OTOG: variants seen among roughly 807,000 people sequenced by gnomAD.
OTOG encodes otogelin.
In OTOG, 296 loss-of-function variants were observed where a neutral mutation model predicts 313.8. That is an observed-to-expected ratio of 0.94 (90% CI 0.86 to 1.04). The LOEUF (loss-of-function observed/expected upper bound fraction) is 1.04, where lower values mean the gene tolerates loss of function less well. OTOG is among the 50% of genes least tolerant of loss of function. The pLI, the probability that OTOG is intolerant of heterozygous loss-of-function variation, is 0.00. For missense variants in OTOG, 3,948 were observed against 3,840.1 expected, an observed-to-expected ratio of 1.03 and a Z score of -0.74; for synonymous variants, 1,533 against 1,554.9, an observed-to-expected ratio of 0.99 and a Z score of 0.33.
chr11:17,604,294 A>G (rs565937950), intron 32 of OTOG, among the ~76,000 whole-genome samples: 2 of 152,346 alleles, frequency 1.3e-5, no homozygotes, highest in East Asian at 1.9e-4. Context: ...AAAACAGTGG[A>G]GAAGCCTTGA....
rs1420678346 is a variant in OTOG at position 17,632,136 on chromosome 11, G to A, written c.6982G>A (p.Val2328Met). 4.5e-6 allele frequency: 7 copies of A among 1,551,048 alleles called. No homozygotes were observed. The highest frequency in any genetic ancestry group is 2.7e-5 in the African/African-American group (2 of 73,186). The change falls in exon 42 of 56, where the codon GTG (valine) becomes ATG (methionine). Residue 2328 changes from valine (V) to methionine (M), a missense_variant. Coordinates refer to ENST00000399397, the MANE Select transcript of OTOG (RefSeq NM_001292063.2). Reference protein sequence around the residue: ...CELWIRDTKYVQQPCVALTVY... With the variant: ...CELWIRDTKYMQQPCVALTVY... ...GCTGTGGATCCGGGACACCAAGTACGTGCAGCAGCCCTGCGTGGCCCTGAC... is the reference window on the plus strand; with the variant it reads ...GCTGTGGATCCGGGACACCAAGTACATGCAGCAGCCCTGCGTGGCCCTGAC...
chr11:17,588,800 C>A (rs1371858299), intron 24 of OTOG, among the ~76,000 whole-genome samples: 1 of 152,118 alleles, frequency 6.6e-6, no homozygotes, highest in South Asian at 2.1e-4. Flanking sequence ...GAGGAGTCAT[C>A]TTGTAGATCT....
intron 15 of OTOG, among the ~76,000 whole-genome samples, chr11:17,563,854 GT>G (rs61373849): frequency 0.049 from 5,237 of 106,608 alleles, 97 homozygotes; most frequent in African/African-American, 0.11. Flanking sequence ...CTAGTTTTTG[GT>G]TTTTTTTTTT....
chr11:17,572,229 G>C, intron 18 of OTOG, 25 bp downstream of exon 18: 1 of 1,549,914 alleles, frequency 6.5e-7, no homozygotes, highest in Middle Eastern at 1.7e-4. Context: ...GAAGAGGAGA[G>C]GCATGGTTGA....
chr11:17,574,878 T>TAACTGGACACCC lies in OTOG; in HGVS notation c.2453_2454insACTGGACACCCA (p.Tyr818delinsTer), dbSNP rs876657656. 17 of 1,537,294 alleles carry TAACTGGACACCC rather than the reference T, an allele frequency of 1.1e-5. No homozygotes were observed. In the Admixed American group the frequency reaches 3.4e-4, roughly 31 times the overall value. On this transcript the variant is annotated stop_gained, in exon 20 of 56. Coordinates refer to ENST00000399397, the MANE Select transcript of OTOG (RefSeq NM_001292063.2). LOFTEE classifies it high-confidence loss of function. ...GGGCTGTGCCTGCCCACCGGACACC[T>TAACTGGACACCC]ATCTGGACACCCAGGCTGACCTCTG...
chr11:17,591,659 C>G, intron 25 of OTOG, 71 bp downstream of exon 25: 1 of 1,518,932 alleles, frequency 6.6e-7, no homozygotes, highest in Non-Finnish European at 8.9e-7. Flanking sequence ...GCTCTGGACT[C>G]CAGTTTGATG....
rs1179696380 is a variant in OTOG, at chr11:17,573,150, C to G, written c.2153C>G (p.Pro718Arg). The G allele has an allele frequency of 6.5e-7, 1 of 1,545,612 alleles. No homozygotes were observed. The highest frequency in any genetic ancestry group is 8.7e-7 in the Non-Finnish European group (1 of 1,146,938). The stretch of plus-strand genomic sequence containing the variant: ...GCGCCCTGCTCTGCGTTCCTGAGCC[C>G]CGTGCCCTACTTTGAGCAGTGCCGC... Reference protein sequence around the residue: ...MFAPCSAFLSPVPYFEQCRRD... With the variant: ...MFAPCSAFLSRVPYFEQCRRD... Residue 718 changes from proline (P) to arginine (R), a missense_variant, in exon 19 of 56, where the codon CCC becomes CGC. Coordinates refer to ENST00000399397, the MANE Select transcript of OTOG (RefSeq NM_001292063.2).
chr11:17,589,778 G>A (rs1032920675), intron 24 of OTOG, among the ~76,000 whole-genome samples: 9 of 151,974 alleles, frequency 5.9e-5, no homozygotes, highest in Admixed American at 2.0e-4. Flanking sequence ...TCATTCCTTC[G>A]AAACTATTCC....
Position 17,645,892 on chromosome 11 carries a change from G to T in OTOG, c.8690G>T (p.Trp2897Leu). ...VQLFCATNAT[W>L]VPYTVQEPTD... is the part of the protein sequence containing the mutation. ...CTCTTCTGTGCCACCAATGCCACCT[G>T]GGTGCCCTATACAGTGCAGGAGCCC... Residue 2897 changes from tryptophan to leucine, a missense_variant, in exon 56 of 56, where the codon TGG becomes TTG. By Grantham distance (61) the Trp-to-Leu change is moderately conservative. Transcript: ENST00000399397. 5 of 1,550,422 alleles carry T rather than the reference G, an allele frequency of 3.2e-6. No homozygotes were observed. The highest frequency in any genetic ancestry group is 2.4e-5 in the South Asian group (2 of 84,060).
Position 17,634,907 on chromosome 11 carries a change from C to G in OTOG, c.7544C>G (p.Thr2515Ser), listed in dbSNP as rs1276048273. The G allele has an allele frequency of 6.5e-7, 1 of 1,549,456 alleles. No individual in the cohort carries two copies. The highest frequency in any genetic ancestry group is 8.7e-7 in the Non-Finnish European group (1 of 1,146,842). ...TGCCGCCCAGGCCACCGCCTCCTCA[C>G]CCACTTCCAGGAGGACTCCTGCTGC... Reference protein sequence around the residue: ...PTCRPGHRLLTHFQEDSCCPS... With the variant: ...PTCRPGHRLLSHFQEDSCCPS... The change falls in exon 45 of 56, where the codon ACC becomes AGC. Residue 2515 changes from threonine (T) to serine (S), a missense_variant. Transcript: ENST00000399397.
intron 51 of OTOG, 80 bp downstream of exon 51, chr11:17,641,171 G>A (rs2133720550): frequency 6.3e-6 from 9 of 1,418,944 alleles, no homozygotes; most frequent in African/African-American, 5.6e-5. Flanking sequence ...GAGCCAGAGG[G>A]GCCCTTGAAG....
chr11:17,593,091 G>A (rs892588100), intron 25 of OTOG, 102 bp from the exon 26 acceptor site: 2 of 1,197,710 alleles, frequency 1.7e-6, no homozygotes, highest in African/African-American at 3.1e-5. Context: ...AAGTAGAAGT[G>A]GACTGAAAGC....
At chr11:17,627,970 CTTAG>C (rs543047061) in intron 39 of OTOG, among the ~76,000 whole-genome samples, 135 of 151,858 alleles carry the variant, frequency 8.9e-4, no homozygotes, top group Middle Eastern at 3.4e-3. Flanking sequence ...TTTCTTTTTT[CTTAG>C]TTAGGCTAAA....
At chr11:17,596,211 C>A in intron 29 of OTOG, 57 bp downstream of exon 29, 2 of 1,270,406 alleles carry the variant, frequency 1.6e-6, no homozygotes, top group South Asian at 1.3e-5. Flanking sequence ...TCCTGGGATC[C>A]CTTCAGCTCT....
chr11:17,584,306 A>G (rs1852741478), intron 23 of OTOG, among the ~76,000 whole-genome samples: 2 of 152,098 alleles, frequency 1.3e-5, no homozygotes, highest in South Asian at 4.1e-4. Context: ...TTCTTGCCTT[A>G]TTGTGCTGTA....
intron 40 of OTOG, among the ~76,000 whole-genome samples, chr11:17,630,405 G>T (rs1250418866): frequency 7.2e-5 from 11 of 152,124 alleles, no homozygotes; most frequent in Admixed American, 7.2e-4. Flanking sequence ...ACCCCTCACT[G>T]ACTTAAAGCC....
In OTOG at chr11:17,557,427, G is replaced by T. The variant is rs1192424065; in HGVS notation, c.865+104G>T. 7.7e-6 allele frequency: 9 copies of T among 1,174,480 alleles called. 1 individual carries two copies. In the South Asian group the frequency reaches 1.1e-4, roughly 14 times the overall value. The allele number at this position is 1,174,480 out of a possible 1,614,324, so 72.8% of individuals were successfully genotyped here. ...CTTGGAACAGAGCCCTGGGGTCGTGGTCATGGTATTAAAGACCCAATGGAA... is the reference window on the plus strand; with the variant it reads ...CTTGGAACAGAGCCCTGGGGTCGTGTTCATGGTATTAAAGACCCAATGGAA... On this transcript the variant is annotated intron_variant, in intron 8 of 55. Transcript: ENST00000399397.
intron 30 of OTOG, among the ~76,000 whole-genome samples, chr11:17,597,293 C>T (rs905940492): frequency 6.6e-5 from 10 of 152,198 alleles, no homozygotes; most frequent in African/African-American, 2.4e-4. Context: ...AATGCGAACC[C>T]GAGCTCATAG....
In OTOG at chr11:17,611,335, G is replaced by A. The variant is rs2134092984; in HGVS notation, c.6035G>A (p.Gly2012Glu). 6 of 1,550,492 alleles carry A rather than the reference G, an allele frequency of 3.9e-6. No individual in the cohort carries two copies. In the East Asian group the frequency reaches 7.3e-5, roughly 19 times the overall value. Residue 2012 changes from glycine (G) to glutamate (E), a missense_variant, in exon 36 of 56, where the codon GGG becomes GAG. By Grantham distance (98) the Gly-to-Glu change is moderately conservative. Coordinates refer to ENST00000399397, the MANE Select transcript of OTOG (RefSeq NM_001292063.2). ...PVDEATTEPSGRSAPALSIVE... is the reference protein window; with the variant it reads ...PVDEATTEPSERSAPALSIVE... ...GACGAGGCCACCACAGAACCATCTGGGCGCTCAGCCCCAGCCCTGAGCATC... is the reference window on the plus strand; with the variant it reads ...GACGAGGCCACCACAGAACCATCTGAGCGCTCAGCCCCAGCCCTGAGCATC...
Sources: gnomAD v4.1 joint callset for allele counts (sites outside exome capture counted in the v4.1 genomes callset) on GRCh38, gnomAD v4.1.1 for gene constraint, MANE v1.5 for transcripts, NCBI Gene and HGNC (gene_info 2026-07-23, HGNC 2026-07-21) for gene names.